Variants in CDH4 observed in about 807,000 individuals in gnomAD.
The protein encoded by CDH4 is cadherin 4.
A neutral mutation model predicts 86.0 loss-of-function variants in CDH4; 33 were observed. The observed-to-expected ratio is 0.38, with a 90% CI of 0.29 to 0.51. The LOEUF (loss-of-function observed/expected upper bound fraction) is 0.51. Among genes scored for constraint, CDH4 ranks in the 20% least tolerant of loss-of-function variants. The pLI, the probability that CDH4 is intolerant of heterozygous loss-of-function variation, is 0.86. For synonymous variants in CDH4, 555 were observed against 549.4 expected (o/e 1.01, Z -0.14); for missense variants, 1,114 against 1,307.4 (o/e 0.85, Z 2.28).
Position 61,703,631 on chromosome 20 carries a change from C to T in CDH4, c.170-39932C>T, listed in dbSNP as rs1474454591. 7.2e-5 allele frequency among the ~76,000 whole-genome samples: 11 copies of T among 152,238 alleles called. No homozygotes were observed. The highest frequency in any genetic ancestry group is 1.3e-4 in the Admixed American group (2 of 15,292). On this transcript the variant is annotated intron_variant, in intron 2 of 15. Transcript: ENST00000614565. The surrounding 1 kb of genome is among the most constrained non-coding windows in gnomAD (Gnocchi z 4.3). ...TGCCTGGATGAATCTGCAAAGAGAG[C>T]GGGGATCTGATGTGTGCAGCCATCT...
intron 2 of CDH4, among the ~76,000 whole-genome samples, chr20:61,466,730 A>C (rs1270027397): frequency 1.3e-5 from 2 of 152,202 alleles, no homozygotes; most frequent in Non-Finnish European, 2.9e-5. Context: ...ATGCATCTGT[A>C]GTTCCAGCTA....
intron 2 of CDH4, among the ~76,000 whole-genome samples, chr20:61,366,930 G>A (rs28540801): frequency 0.066 from 10,050 of 152,182 alleles, 852 homozygotes; most frequent in African/African-American, 0.17. Context: ...GCATATTAAC[G>A]GGGTCATAGC....
rs1172123191 is a variant in CDH4 at position 61,708,832 on chromosome 20, G to C, written c.170-34731G>C. On this transcript the variant is annotated intron_variant, in intron 2 of 15. Coordinates refer to ENST00000614565, the MANE Select transcript of CDH4 (RefSeq NM_001794.5). The surrounding 1 kb of genome is among the most constrained non-coding windows in gnomAD (Gnocchi z 4.5). The stretch of plus-strand genomic sequence containing the variant: ...AGAGATGAGCACAGAAATCAATAGT[G>C]GGCATTGGCAGACGTGCAGAACACC... Among the ~76,000 whole-genome samples the C allele has an allele frequency of 6.6e-6, 1 of 152,228 alleles. No homozygotes were observed. The highest frequency in any genetic ancestry group is 1.5e-5 in the Non-Finnish European group (1 of 68,046).
intron 2 of CDH4, among the ~76,000 whole-genome samples, chr20:61,337,232 G>A (rs551822619): frequency 1.3e-4 from 1 of 7,848 alleles, no homozygotes; most frequent in South Asian, 5.0e-3. Context: ...TGCATTGTTA[G>A]GCAATGGTGG....
intron 2 of CDH4, among the ~76,000 whole-genome samples, chr20:61,298,103 C>T (rs989164188): frequency 4.6e-5 from 7 of 152,104 alleles, no homozygotes; most frequent in Non-Finnish European, 7.4e-5. Context: ...TTCATTGGGG[C>T]AGCCTGTTAC....
At chr20:61,932,923 C>T (rs2055131408) in intron 13 of CDH4, 62 bp from the exon 14 acceptor site, 1 of 1,579,062 alleles carries the variant, frequency 6.3e-7, no homozygotes, top group African/African-American at 1.3e-5. Context: ...ACATGGCAAA[C>T]ACAGAGGCAC....
rs577668195 is a variant in CDH4 at position 61,628,058 on chromosome 20, C to T, written c.170-115505C>T. Among the ~76,000 whole-genome samples, 4 of 152,276 alleles carry T rather than the reference C, an allele frequency of 2.6e-5. No individual in the cohort carries two copies. The South Asian group carries it at 8.3e-4, about 32-fold the overall frequency. On this transcript the variant is annotated intron_variant, in intron 2 of 15. Coordinates refer to ENST00000614565, the MANE Select transcript of CDH4 (RefSeq NM_001794.5). ...CACCCCTGTGGCCCAGCCATTCTCC[C>T]GTGTGGGGACGCGTGGACACAACCC... is the stretch of plus-strand genomic sequence containing the variant.
Position 61,748,768 on chromosome 20 carries a change from C to T in CDH4, c.396+4979C>T, listed in dbSNP as rs575793860. On this transcript the variant is annotated intron_variant, in intron 3 of 15. Transcript: ENST00000614565. Reference sequence around the variant, plus strand: ...AAATTAATATTACTCCTAAATAAGACGAAAATACTTGTTATAAAGTCTTTA... The same window carrying T: ...AAATTAATATTACTCCTAAATAAGATGAAAATACTTGTTATAAAGTCTTTA... 8.6e-4 allele frequency among the ~76,000 whole-genome samples: 131 copies of T among 151,998 alleles called. 5 individuals carry two copies. In the South Asian group the frequency reaches 0.022, roughly 25 times the overall value.
At chr20:61,543,772 C>T (rs2086057068) in intron 2 of CDH4, among the ~76,000 whole-genome samples, 1 of 152,172 alleles carries the variant, frequency 6.6e-6, no homozygotes, top group Non-Finnish European at 1.5e-5. Flanking sequence ...AATTGGCCTC[C>T]TGCAACGTTC....
At position 61,615,566 on chromosome 20, in the gene CDH4, T is replaced by C. The variant is rs563931001; in HGVS notation, c.170-127997T>C. On this transcript the variant is annotated intron_variant, in intron 2 of 15. Transcript: ENST00000614565. ...GTAAAGAAAAATAAATTAATGGATA[T>C]TGGGGAGTTGGAAACTTCCTGCCTG... Among the ~76,000 whole-genome samples the C allele has an allele frequency of 1.4e-3, 209 of 152,328 alleles. 1 individual carries two copies. The highest frequency in any genetic ancestry group is 1.7e-3 in the Admixed American group (26 of 15,298).
At chr20:61,714,094 T>C (rs923497622) in intron 2 of CDH4, among the ~76,000 whole-genome samples, 1 of 151,894 alleles carries the variant, frequency 6.6e-6, no homozygotes, top group Admixed American at 6.6e-5. Context: ...TCGCCCAGGC[T>C]GGAGTGCAGT....
intron 4 of CDH4, among the ~76,000 whole-genome samples, chr20:61,813,369 C>T (rs1317601765): frequency 6.6e-6 from 1 of 152,188 alleles, no homozygotes; most frequent in Non-Finnish European, 1.5e-5. Flanking sequence ...CCTCAACCTG[C>T]CCCTCCCCAG....
At chr20:61,468,455 C>T (rs1032862172) in intron 2 of CDH4, among the ~76,000 whole-genome samples, 19 of 152,148 alleles carry the variant, frequency 1.2e-4, no homozygotes, top group African/African-American at 3.9e-4. Flanking sequence ...TTTTGGGATA[C>T]ATGAGATATT....
At chr20:61,626,402 G>T (rs1412308847) in intron 2 of CDH4, among the ~76,000 whole-genome samples, 1 of 151,794 alleles carries the variant, frequency 6.6e-6, no homozygotes, top group African/African-American at 2.4e-5. Context: ...CATTACTTTG[G>T]GCTCATGAGC....
chr20:61,878,844 G>A (rs1241931618), intron 7 of CDH4, among the ~76,000 whole-genome samples: 4 of 152,212 alleles, frequency 2.6e-5, no homozygotes, highest in Non-Finnish European at 5.9e-5. Flanking sequence ...AGAAGTCCTG[G>A]AAGCTGCCAA....
intron 9 of CDH4, among the ~76,000 whole-genome samples, chr20:61,914,989 G>T (rs578027792): frequency 2.0e-5 from 3 of 152,112 alleles, no homozygotes; most frequent in South Asian, 2.1e-4. Context: ...GGAGCCTCAG[G>T]CCAGGCCCCA....
chr20:61,728,411 G>A lies in CDH4; in HGVS notation c.170-15152G>A, dbSNP rs569658424. On this transcript the variant is annotated intron_variant, in intron 2 of 15. Coordinates refer to ENST00000614565, the MANE Select transcript of CDH4 (RefSeq NM_001794.5). ...CCTTCCATCCTCTAAAACTCTGCTT[G>A]AGTTTGTCTTTCAAGGAAGGGCTCA... is the stretch of plus-strand genomic sequence containing the variant. 1.3e-5 allele frequency among the ~76,000 whole-genome samples: 2 copies of A among 152,266 alleles called. 1 individual carries two copies. The highest frequency in any genetic ancestry group is 4.2e-4 in the South Asian group (2 of 4,812).
At chr20:61,447,179 C>T (rs953436439) in intron 2 of CDH4, among the ~76,000 whole-genome samples, 10 of 152,054 alleles carry the variant, frequency 6.6e-5, no homozygotes, top group East Asian at 1.9e-4. Context: ...GTTTTTGAGA[C>T]GGAGTCTCAC....
chr20:61,680,261 G>C (rs1320419034), intron 2 of CDH4, among the ~76,000 whole-genome samples: 1 of 152,244 alleles, frequency 6.6e-6, no homozygotes, highest in Non-Finnish European at 1.5e-5. Context: ...CAGACCATAA[G>C]GAGGGACAGG....
Sources: gnomAD v4.1 joint callset for allele counts (sites outside exome capture counted in the v4.1 genomes callset) on GRCh38, gnomAD v4.1.1 for gene constraint, Gnocchi (gnomAD v3.1) non-coding constraint, MANE v1.5 for transcripts, NCBI Gene and HGNC (gene_info 2026-07-23, HGNC 2026-07-21) for gene names.